The following FGGY variants were observed in gnomAD, a reference collection of about 807,000 sequenced individuals.
FGGY encodes FGGY carbohydrate kinase domain-containing protein.
In FGGY, 72 loss-of-function variants were observed where a neutral mutation model predicts 71.3. That is an observed-to-expected ratio of 1.01 (90% CI 0.84 to 1.23). The LOEUF (loss-of-function observed/expected upper bound fraction) is 1.23. FGGY is among the 50% of genes most tolerant of loss of function. The pLI is 0.00. For missense variants in FGGY, 668 were observed against 682.3 expected, an observed-to-expected ratio of 0.98 and a Z score of 0.23; for synonymous variants, 251 against 250.3, an observed-to-expected ratio of 1.00 and a Z score of -0.02.
At chr1:59,574,413 A>G (rs2096043530) in intron 8 of FGGY, among the ~76,000 whole-genome samples, 1 of 152,110 alleles carries the variant, frequency 6.6e-6, no homozygotes, top group South Asian at 2.1e-4. Context: ...TCCTCATGTC[A>G]GGATCCTTAA....
chr1:59,440,400 T>G (rs2069534944), intron 5 of FGGY, among the ~76,000 whole-genome samples: 1 of 152,110 alleles, frequency 6.6e-6, no homozygotes, highest in Non-Finnish European at 1.5e-5. Flanking sequence ...GCCTCTGATC[T>G]CTTTTGTTTG....
At chr1:59,364,873 C>T (rs61788347) in intron 4 of FGGY, among the ~76,000 whole-genome samples, 29,212 of 152,094 alleles carry the variant, frequency 0.19, 3,347 homozygotes, top group East Asian at 0.35. Context: ...AGGTGGGCAC[C>T]TCTTCATGAA....
intron 7 of FGGY, among the ~76,000 whole-genome samples, chr1:59,522,656 T>G (rs994375116): frequency 6.6e-5 from 10 of 152,220 alleles, no homozygotes; most frequent in Non-Finnish European, 1.3e-4. Flanking sequence ...ATCTTAATCT[T>G]TTTGTAGTGA....
intron 8 of FGGY, among the ~76,000 whole-genome samples, chr1:59,554,497 A>G (rs2095654959): frequency 6.6e-6 from 1 of 152,186 alleles, no homozygotes. Flanking sequence ...CCAGGCATGA[A>G]TGGTGACATC....
chr1:59,699,020 G>T, intron 14 of FGGY: 4 of 985,332 alleles, frequency 4.1e-6, no homozygotes, highest in Non-Finnish European at 4.8e-6. Context: ...TATAGCTTTT[G>T]GTTGAATATC....
chr1:59,538,096 C>T (rs958871896), intron 7 of FGGY, among the ~76,000 whole-genome samples: 1 of 152,148 alleles, frequency 6.6e-6, no homozygotes, highest in Non-Finnish European at 1.5e-5. Flanking sequence ...ACAACCTGCT[C>T]ATCTGACAAA....
intron 12 of FGGY, among the ~76,000 whole-genome samples, chr1:59,661,557 A>G (rs1465757850): frequency 6.6e-6 from 1 of 152,200 alleles, no homozygotes; most frequent in East Asian, 1.9e-4. Flanking sequence ...TGACATCTGT[A>G]AAAATGTAGG....
chr1:59,704,732 C>T (rs964671624), intron 14 of FGGY, among the ~76,000 whole-genome samples: 2 of 152,006 alleles, frequency 1.3e-5, no homozygotes, highest in African/African-American at 2.4e-5. Flanking sequence ...GTTACAGAGA[C>T]ACAAAGATTA....
chr1:59,716,886 G>C lies in FGGY; in HGVS notation c.1513-41045G>C, dbSNP rs2097849916. On this transcript the variant is annotated intron_variant, in intron 14 of 15. Transcript: ENST00000303721. ...GGAAGTGAGAGCTCTCAGACGGACA[G>C]AATCAGCAAATCCCTGGGAACTGTA... Among the ~76,000 whole-genome samples, 3 of 152,176 alleles carry C rather than the reference G, an allele frequency of 2.0e-5. No homozygotes were observed. The South Asian group carries it at 6.2e-4, about 32-fold the overall frequency.
chr1:59,722,161 T>G (rs905713586), intron 14 of FGGY, among the ~76,000 whole-genome samples: 4 of 116,510 alleles, frequency 3.4e-5, no homozygotes, highest in African/African-American at 1.2e-4. Context: ...AGTTGAGATT[T>G]GTCTAATTTT....
chr1:59,324,778 C>T (rs932141915), intron 2 of FGGY, among the ~76,000 whole-genome samples: 2 of 152,150 alleles, frequency 1.3e-5, no homozygotes, highest in African/African-American at 4.8e-5. Flanking sequence ...CTACCTGGAA[C>T]TGATAAGAAG....
chr1:59,432,805 CCCATT>C (rs1489676860), intron 5 of FGGY, among the ~76,000 whole-genome samples: 2 of 152,120 alleles, frequency 1.3e-5, no homozygotes, highest in Admixed American at 1.3e-4. Context: ...ATCATAATTT[CCCATT>C]CCTAGTTTCA....
intron 13 of FGGY, among the ~76,000 whole-genome samples, chr1:59,670,604 C>T (rs1199231436): frequency 2.6e-5 from 4 of 151,860 alleles, no homozygotes; most frequent in African/African-American, 7.3e-5. Flanking sequence ...TAAATGCTTG[C>T]GAGTTTGTGA....
intron 12 of FGGY, among the ~76,000 whole-genome samples, chr1:59,664,377 C>T (rs1233955235): frequency 6.6e-6 from 1 of 152,178 alleles, no homozygotes; most frequent in African/African-American, 2.4e-5. Flanking sequence ...TTCCAGCCGA[C>T]AATACCACAT....
intron 5 of FGGY, among the ~76,000 whole-genome samples, chr1:59,439,615 G>T (rs1247752090): frequency 6.6e-6 from 1 of 152,036 alleles, no homozygotes; most frequent in African/African-American, 2.4e-5. Context: ...TACAAGTTAG[G>T]CAGCTTCTCC....
intron 3 of FGGY, among the ~76,000 whole-genome samples, chr1:59,344,421 G>T (rs763246741): frequency 1.3e-5 from 2 of 151,114 alleles, no homozygotes; most frequent in African/African-American, 4.9e-5. Context: ...TGCCATATTT[G>T]CCTCAGCTCC....
At chr1:59,408,960 G>A (rs949712017) in intron 5 of FGGY, among the ~76,000 whole-genome samples, 4 of 152,098 alleles carry the variant, frequency 2.6e-5, no homozygotes, top group African/African-American at 2.4e-5. Context: ...CTTTAACCAC[G>A]GCAGCCTTAA....
At chr1:59,441,420 A>G (rs919178616) in intron 5 of FGGY, among the ~76,000 whole-genome samples, 7 of 152,216 alleles carry the variant, frequency 4.6e-5, no homozygotes, top group South Asian at 2.1e-4. Context: ...TGCTTATGCC[A>G]TTATTTCATT....
intron 5 of FGGY, among the ~76,000 whole-genome samples, chr1:59,421,471 ATCTCTCCCTCTCCCCC>A (rs200784303): frequency 0.17 from 25,015 of 144,424 alleles, 2,636 homozygotes; most frequent in East Asian, 0.37. Context: ...CCCTCCCTCC[ATCTCTCCCTCTCCCCC>A]TCTCTCCCTC....
Sources: gnomAD v4.1 joint callset for allele counts (sites outside exome capture counted in the v4.1 genomes callset) on GRCh38, gnomAD v4.1.1 for gene constraint, MANE v1.5 for transcripts, NCBI Gene and HGNC (gene_info 2026-07-23, HGNC 2026-07-21) for gene names.